LONRF2: variants seen among roughly 807,000 people sequenced by gnomAD.
LONRF2 encodes LON peptidase N-terminal domain and RING finger protein 2.
Under a neutral mutation model 66.6 loss-of-function variants are expected in LONRF2, and 35 were observed. The ratio of observed to expected loss-of-function variants is 0.53; its 90% CI spans 0.40 to 0.70. LONRF2 has a LOEUF of 0.70. LONRF2 is among the 30% of genes least tolerant of loss of function. The probability of loss-of-function intolerance (pLI) is 0.00; values close to 1 mark genes in which losing one functional copy is unlikely to be tolerated. For synonymous variants in LONRF2, 417 were observed against 418.1 expected (o/e 1.00, Z 0.03); for missense variants, 902 against 1,002.1 (o/e 0.90, Z 1.35).
rs1007830426 is a variant in LONRF2, at chr2:100,279,726, A to G, written c.*4572T>C. 6.6e-6 allele frequency: 1 copy of G among 152,206 alleles called. No individual in the cohort carries two copies. The highest frequency in any genetic ancestry group is 2.4e-5 in the African/African-American group (1 of 41,438). The allele number at this position is 152,206 out of a possible 1,614,324, so 9.4% of individuals were successfully genotyped here. A position where few individuals can be genotyped will look rare whatever the true frequency, so the allele number is the denominator to read the frequency against. ...TCTATCTGGCTCTTACAACCTAGGA[A>G]GCAATATCCCCCACCCTAACGACCC... On this transcript the variant is annotated 3_prime_UTR_variant, in exon 12 of 12. Coordinates refer to ENST00000393437, the MANE Select transcript of LONRF2 (RefSeq NM_198461.4).
At chr2:100,301,901 G>A (rs920269) in intron 3 of LONRF2, among the ~76,000 whole-genome samples, 74,093 of 152,146 alleles carry the variant, frequency 0.49, 18,391 homozygotes, top group East Asian at 0.73. Context: ...ATATTATTTT[G>A]ACAAGTTGAA....
chr2:100,310,590 CATATGTGTAAT>C (rs200076560), intron 1 of LONRF2, among the ~76,000 whole-genome samples: 2,008 of 152,176 alleles, frequency 0.013, 11 homozygotes, highest in Middle Eastern at 0.027. Flanking sequence ...GTCATCACCA[CATATGTGTAAT>C]ATAGAGAAAG....
chr2:100,307,216 G>A (rs1227912468), intron 2 of LONRF2, among the ~76,000 whole-genome samples: 2 of 152,068 alleles, frequency 1.3e-5, no homozygotes, highest in South Asian at 2.1e-4. Flanking sequence ...CACCGCGCCC[G>A]GCCTAAACTT....
At chr2:100,313,361 GGAA>G (rs1329420241) in intron 1 of LONRF2, among the ~76,000 whole-genome samples, 1 of 152,090 alleles carries the variant, frequency 6.6e-6, no homozygotes, top group African/African-American at 2.4e-5. Context: ...CAGGTGTGGT[GGAA>G]CATGCCTGTA....
chr2:100,309,446 G>A, intron 1 of LONRF2: 2 of 244,310 alleles, frequency 8.2e-6, no homozygotes, highest in Admixed American at 5.4e-5. Context: ...GCTCCTCTCA[G>A]GAAAACAGGA....
chr2:100,310,901 C>A (rs966951868), intron 1 of LONRF2, among the ~76,000 whole-genome samples: 1 of 152,112 alleles, frequency 6.6e-6, no homozygotes, highest in South Asian at 2.1e-4. Context: ...TTTTGTAATA[C>A]AGATAAACTA....
At position 100,275,856 on chromosome 2, in the gene LONRF2, C is replaced by A. The variant is rs1441793024; in HGVS notation, c.*8442G>T. On this transcript the variant is annotated 3_prime_UTR_variant, in exon 12 of 12. Transcript: ENST00000393437. ...AAAAAAGGAAAAAGCGAGAAAAAGC[C>A]TAGGTACAAGGGAAAAAACATTAAA... 6.6e-6 allele frequency: 1 copy of A among 152,128 alleles called. No individual in the cohort carries two copies. Among genetic ancestry groups the A allele is most frequent in the Admixed American group, 6.6e-5 (1 of 15,266 alleles). The allele number at this position is 152,128 out of a possible 1,614,324, so 9.4% of individuals were successfully genotyped here. A position where few individuals can be genotyped will look rare whatever the true frequency, so the allele number is the denominator to read the frequency against.
At chr2:100,309,784 T>C (rs1431070415) in intron 1 of LONRF2, among the ~76,000 whole-genome samples, 3 of 152,170 alleles carry the variant, frequency 2.0e-5, no homozygotes, top group African/African-American at 7.2e-5. Context: ...GCAATTCTCC[T>C]GCCTCAGCCT....
rs1033705317 is a variant in LONRF2 at position 100,278,592 on chromosome 2, C to G, written c.*5706G>C. ...TTTATGATCCAGAGACCCAGACCCTCCAGGTAAGCCACTGTTTCAACCAAA... is the reference window on the plus strand; with the variant it reads ...TTTATGATCCAGAGACCCAGACCCTGCAGGTAAGCCACTGTTTCAACCAAA... On this transcript the variant is annotated 3_prime_UTR_variant, in exon 12 of 12. Transcript: ENST00000393437. 8 of 152,182 alleles carry G rather than the reference C, an allele frequency of 5.3e-5. No individual in the cohort carries two copies. The highest frequency in any genetic ancestry group is 1.9e-4 in the African/African-American group (8 of 41,436). The allele number at this position is 152,182 out of a possible 1,614,324, so 9.4% of individuals were successfully genotyped here. A position where few individuals can be genotyped will look rare whatever the true frequency, so the allele number is the denominator to read the frequency against.
At position 100,281,292 on chromosome 2, in the gene LONRF2, GT is replaced by G. The variant is rs1428097843; in HGVS notation, c.*3005del. ...GTCTTGGTGTGTTTTTTGTTTGTTTGTTTGTTTTTGTTTTTGAGAGAGGGAG... is the reference window on the plus strand; with the variant it reads ...GTCTTGGTGTGTTTTTTGTTTGTTTGTTGTTTTTGTTTTTGAGAGAGGGAG... On this transcript the variant is annotated 3_prime_UTR_variant, in exon 12 of 12. Coordinates refer to ENST00000393437, the MANE Select transcript of LONRF2 (RefSeq NM_198461.4). 6.6e-6 allele frequency: 1 copy of G among 152,192 alleles called. No individual in the cohort carries two copies. The highest frequency in any genetic ancestry group is 1.5e-5 in the Non-Finnish European group (1 of 68,138). 9.4% of individuals were successfully genotyped at this position (152,192 alleles called of 1,614,324 possible). A position where few individuals can be genotyped will look rare whatever the true frequency, so the allele number is the denominator to read the frequency against.
In LONRF2 at chr2:100,281,837, A is replaced by C. The variant is rs1674743124; in HGVS notation, c.*2461T>G. 1 of 152,026 alleles carries C rather than the reference A, an allele frequency of 6.6e-6. No homozygotes were observed. Among genetic ancestry groups the C allele is most frequent in the Admixed American group, 6.6e-5 (1 of 15,260 alleles). The allele number at this position is 152,026 out of a possible 1,614,324, so 9.4% of individuals were successfully genotyped here. ...GGCAGAAGGGGGCAGGCGGAGGAGG[A>C]AGCAGACCGTTCTGCTTTAGCTTAA... On this transcript the variant is annotated 3_prime_UTR_variant, in exon 12 of 12. Transcript: ENST00000393437.
At position 100,321,963 on chromosome 2, in the gene LONRF2, T is replaced by C; in HGVS notation, c.131A>G (p.Glu44Gly). 15 of 1,466,936 alleles carry C rather than the reference T, an allele frequency of 1.0e-5. No homozygotes were observed. The highest frequency in any genetic ancestry group is 1.4e-5 in the Non-Finnish European group (15 of 1,110,928). The allele number at this position is 1,466,936 out of a possible 1,614,324, so 90.9% of individuals were successfully genotyped here. ...FRAGDYEMAA[E>G]LFRSMLAGLA... ...CCCGGCTAGCATGGAGCGAAAGAGC[T>C]CGGCTGCCATCTCGTAGTCGCCCGC... Residue 44 changes from glutamate to glycine, a missense_variant, in exon 1 of 12, where the codon GAG becomes GGG. Around this residue, in one of 2 missense-constraint regions of LONRF2, gnomAD observed 585 missense variants for 569.9 expected, o/e 1.03. Transcript: ENST00000393437.
intron 2 of LONRF2, among the ~76,000 whole-genome samples, chr2:100,304,508 G>T (rs936232832): frequency 1.3e-5 from 2 of 151,636 alleles, no homozygotes; most frequent in Non-Finnish European, 2.9e-5. Flanking sequence ...GTACCATATT[G>T]TCCTTCAATT....
chr2:100,300,010 G>C, intron 4 of LONRF2, 92 bp from the exon 5 acceptor site: 31 of 361,122 alleles, frequency 8.6e-5, no homozygotes, highest in East Asian at 1.4e-4. Context: ...GAAATCTTTG[G>C]AAAAAAAAAG....
At chr2:100,321,356 AC>A in intron 1 of LONRF2, 58 bp downstream of exon 1, 1 of 1,330,956 alleles carries the variant, frequency 7.5e-7, no homozygotes, top group Non-Finnish European at 9.6e-7. Context: ...CCAGCTCCCC[AC>A]CCCGCTGCTG....
chr2:100,305,013 A>T (rs943413769), intron 2 of LONRF2, among the ~76,000 whole-genome samples: 3 of 152,024 alleles, frequency 2.0e-5, no homozygotes, highest in African/African-American at 7.3e-5. Context: ...CAGAGCTGGG[A>T]ATCATCCACT....
rs1674604689 is a variant in LONRF2, at chr2:100,276,530, G to T, written c.*7768C>A. The T allele has an allele frequency of 6.6e-6, 1 of 152,094 alleles. No homozygotes were observed. Among genetic ancestry groups the T allele is most frequent in the Admixed American group, 6.5e-5 (1 of 15,272 alleles). The allele number at this position is 152,094 out of a possible 1,614,324, so 9.4% of individuals were successfully genotyped here. ...TAAAATGATGCCCCATGGACCTCCAGTTAAAACAGTTAATATGAGGTATTC... is the reference window on the plus strand; with the variant it reads ...TAAAATGATGCCCCATGGACCTCCATTTAAAACAGTTAATATGAGGTATTC... On this transcript the variant is annotated 3_prime_UTR_variant, in exon 12 of 12. Transcript: ENST00000393437.
intron 10 of LONRF2, among the ~76,000 whole-genome samples, chr2:100,288,802 T>C (rs1010613094): frequency 1.3e-5 from 2 of 152,018 alleles, no homozygotes; most frequent in African/African-American, 4.8e-5. Flanking sequence ...CATGCACGAG[T>C]GGTTCATTTC....
intron 4 of LONRF2, 48 bp downstream of exon 4, chr2:100,300,596 A>G: frequency 6.5e-7 from 1 of 1,547,396 alleles, no homozygotes; most frequent in Non-Finnish European, 8.7e-7. Context: ...TGAAGCCATT[A>G]TGTAAAGCTT....
Sources: allele counts gnomAD v4.1 joint callset (sites outside exome capture counted in the v4.1 genomes callset), GRCh38; gene constraint gnomAD v4.1.1; regional missense constraint gnomAD v4.1.1; transcripts MANE v1.5; gene names NCBI Gene and HGNC (gene_info 2026-07-23, HGNC 2026-07-21).